BICRAL: variants seen among roughly 807,000 people sequenced by gnomAD.
BICRAL encodes the protein BICRA like chromatin remodeling complex associated protein.
In BICRAL, 8 loss-of-function variants were observed where a neutral mutation model predicts 91.8. The observed-to-expected ratio is 0.09, with a 90% CI of 0.05 to 0.16. BICRAL has a LOEUF of 0.16. BICRAL is among the 10% of genes least tolerant of loss of function. The pLI, the probability that BICRAL is intolerant of heterozygous loss-of-function variation, is 1.00. For synonymous variants in BICRAL, 445 were observed against 491.1 expected, an observed-to-expected ratio of 0.91 and a Z score of 1.24; for missense variants, 1,038 against 1,310.9, an observed-to-expected ratio of 0.79 and a Z score of 3.21.
chr6:42,811,309 A>T (rs563655233), intron 2 of BICRAL, among the ~76,000 whole-genome samples: 1 of 152,248 alleles, frequency 6.6e-6, no homozygotes, highest in African/African-American at 2.4e-5. Context: ...AGTTGAGCTG[A>T]TGTCTCTGAG....
At chr6:42,770,276 T>C (rs750232455) in intron 1 of BICRAL, among the ~76,000 whole-genome samples, 4 of 152,124 alleles carry the variant, frequency 2.6e-5, no homozygotes, top group Non-Finnish European at 5.9e-5. Context: ...TCACCCAGGC[T>C]GGAGTGCAGA....
rs1765702163 is a variant in BICRAL, at chr6:42,866,029, C to T, written c.*583C>T. ...TTTGAGCAGTAAATTGCTGGCTGTGCTGCCAGGGACCCGCAGCCCTGGTGG... is the reference window on the plus strand; with the variant it reads ...TTTGAGCAGTAAATTGCTGGCTGTGTTGCCAGGGACCCGCAGCCCTGGTGG... On this transcript the variant is annotated 3_prime_UTR_variant, in exon 13 of 13. Coordinates refer to ENST00000314073, the MANE Select transcript of BICRAL (RefSeq NM_001393499.1). 6.6e-6 allele frequency: 1 copy of T among 152,382 alleles called. No individual in the cohort carries two copies. The highest frequency in any genetic ancestry group is 2.1e-4 in the South Asian group (1 of 4,836). The allele number at this position is 152,382 out of a possible 1,614,324, so 9.4% of individuals were successfully genotyped here.
intron 4 of BICRAL, 23 bp downstream of exon 4, chr6:42,822,867 C>T: frequency 6.6e-7 from 1 of 1,515,624 alleles, no homozygotes; most frequent in Non-Finnish European, 9.2e-7. Flanking sequence ...TAGAATACCA[C>T]AGACATCTAT....
intron 1 of BICRAL, among the ~76,000 whole-genome samples, chr6:42,799,519 C>G (rs977856262): frequency 6.6e-6 from 1 of 152,006 alleles, no homozygotes; most frequent in African/African-American, 2.4e-5. Flanking sequence ...TGGTCTTGAT[C>G]TCTTGACCTT....
At chr6:42,853,836 A>G in intron 8 of BICRAL, 98 bp downstream of exon 8, 1 of 864,188 alleles carries the variant, frequency 1.2e-6, no homozygotes, top group Non-Finnish European at 1.9e-6. Flanking sequence ...CTTTGTGTGC[A>G]CAGTCCACCC....
At chr6:42,831,106 C>T (rs567213708) in intron 6 of BICRAL, among the ~76,000 whole-genome samples, 1 of 152,306 alleles carries the variant, frequency 6.6e-6, no homozygotes, top group South Asian at 2.1e-4. Context: ...ATGAGATAAT[C>T]TATACAAAGC....
chr6:42,755,460 C>G (rs911871450), intron 1 of BICRAL, among the ~76,000 whole-genome samples: 1 of 152,148 alleles, frequency 6.6e-6, no homozygotes, highest in African/African-American at 2.4e-5. Flanking sequence ...CCCCAAGACC[C>G]TCACTGCCTG....
intron 1 of BICRAL, among the ~76,000 whole-genome samples, chr6:42,755,608 C>T (rs1344881868): frequency 6.6e-6 from 1 of 152,082 alleles, no homozygotes; most frequent in African/African-American, 2.4e-5. Context: ...GCAAAGCTCC[C>T]ACCAGGGTTC....
chr6:42,812,588 A>G (rs1763871686), intron 2 of BICRAL, among the ~76,000 whole-genome samples: 1 of 152,212 alleles, frequency 6.6e-6, no homozygotes, highest in African/African-American at 2.4e-5. Flanking sequence ...AAAGACCCAA[A>G]TTGAACTTCT....
intron 3 of BICRAL, among the ~76,000 whole-genome samples, chr6:42,822,361 C>T (rs1764161719): frequency 6.6e-6 from 1 of 151,588 alleles, no homozygotes; most frequent in African/African-American, 2.4e-5. Context: ...CCACCTCAGC[C>T]TCCCAAGTAG....
At chr6:42,780,612 C>T (rs9367163), upstream of BICRAL, among the ~76,000 whole-genome samples, 1,004 of 152,234 alleles carry the variant, frequency 6.6e-3, 49 homozygotes, top group East Asian at 0.13. Context: ...TCACCTTTTA[C>T]CTATCCTTGA....
At chr6:42,782,356 GTTTGT>G (rs1263542458) in intron 1 of BICRAL, among the ~76,000 whole-genome samples, 22 of 64,422 alleles carry the variant, frequency 3.4e-4, no homozygotes, top group Non-Finnish European at 5.3e-4. Context: ...GGGGGGGTGG[GTTTGT>G]GGGTGGGTGA....
chr6:42,788,583 G>T (rs9369384), intron 1 of BICRAL, among the ~76,000 whole-genome samples: 1 of 152,188 alleles, frequency 6.6e-6, no homozygotes, highest in Non-Finnish European at 1.5e-5. Context: ...GTGGGAGCAA[G>T]ACAACGCAGT....
chr6:42,786,656 C>G (rs1763111444), intron 1 of BICRAL, among the ~76,000 whole-genome samples: 2 of 152,122 alleles, frequency 1.3e-5, no homozygotes, highest in Admixed American at 1.3e-4. Flanking sequence ...GCTGGTGGAT[C>G]TAAAAGAGTA....
chr6:42,759,852 G>A (rs1762519413), intron 1 of BICRAL, among the ~76,000 whole-genome samples: 1 of 152,132 alleles, frequency 6.6e-6, no homozygotes, highest in African/African-American at 2.4e-5. Flanking sequence ...TATCTCTTCT[G>A]CAGCTTGAGC....
intron 9 of BICRAL, 116 bp from the exon 10 acceptor site, chr6:42,856,975 T>C: frequency 2.3e-6 from 2 of 863,544 alleles, no homozygotes; most frequent in South Asian, 3.6e-5. Flanking sequence ...AATATAAAAC[T>C]AAAAAACTGC....
intron 6 of BICRAL, among the ~76,000 whole-genome samples, chr6:42,837,522 C>A (rs1376442219): frequency 6.6e-6 from 1 of 151,634 alleles, no homozygotes; most frequent in African/African-American, 2.4e-5. Flanking sequence ...GAGGCCGAGG[C>A]AGGTGGATCA....
chr6:42,794,345 T>A (rs922626959), intron 1 of BICRAL, among the ~76,000 whole-genome samples: 2 of 152,098 alleles, frequency 1.3e-5, no homozygotes, highest in African/African-American at 4.8e-5. Flanking sequence ...TCAAGTGCTT[T>A]AACTTAGAAA....
In BICRAL at chr6:42,829,117, G is replaced by A. The variant is rs1764392601; in HGVS notation, c.784G>A (p.Gly262Ser). 3 of 1,614,086 alleles carry A rather than the reference G, an allele frequency of 1.9e-6. No individual in the cohort carries two copies. Among genetic ancestry groups the A allele is most frequent in the Non-Finnish European group, 2.5e-6 (3 of 1,180,006 alleles). ...GLLVHRQTPNGNSLFGNSSSS... is the reference protein window; with the variant it reads ...GLLVHRQTPNSNSLFGNSSSS... The stretch of plus-strand genomic sequence containing the variant: ...CCTGGTTCATAGACAGACTCCTAAT[G>A]GCAACTCCTTGTTTGGGAACTCTAG... Residue 262 changes from glycine (G) to serine (S), a missense_variant, in exon 6 of 13, where the codon GGC (glycine) becomes AGC (serine). Around this residue, in one of 5 missense-constraint regions of BICRAL, gnomAD observed 532 missense variants for 724.9 expected, o/e 0.73. Coordinates refer to ENST00000314073, the MANE Select transcript of BICRAL (RefSeq NM_001393499.1).
Sources: gnomAD v4.1 joint callset for allele counts (sites outside exome capture counted in the v4.1 genomes callset) on GRCh38, gnomAD v4.1.1 for gene constraint, gnomAD v4.1.1 regional missense constraint, MANE v1.5 for transcripts, NCBI Gene and HGNC (gene_info 2026-07-23, HGNC 2026-07-21) for gene names.